CACNG2: variants seen among roughly 807,000 people sequenced by gnomAD.
The protein encoded by CACNG2 is calcium voltage-gated channel auxiliary subunit gamma 2.
CACNG2 carries 3 observed loss-of-function variants against 25.9 expected under a neutral mutation model. That is an observed-to-expected ratio of 0.12 (90% CI 0.05 to 0.30). The LOEUF (loss-of-function observed/expected upper bound fraction) is 0.30. CACNG2 is among the 10% of genes least tolerant of loss of function. CACNG2 has a pLI of 1.00. For missense variants in CACNG2, 341 were observed against 432.5 expected (o/e 0.79, Z 1.88); for synonymous variants, 167 against 173.3 (o/e 0.96, Z 0.29).
intron 1 of CACNG2, among the ~76,000 whole-genome samples, chr22:36,637,448 C>A (rs1938926257): frequency 5.3e-5 from 8 of 152,070 alleles, no homozygotes; most frequent in Admixed American, 5.2e-4. Context: ...TATGGGGATT[C>A]ATTTTCTTTA....
At position 36,629,547 on chromosome 22, in the gene CACNG2, A is replaced by T. The variant is rs976186602; in HGVS notation, c.212-41999T>A. On this transcript the variant is annotated intron_variant, in intron 1 of 3. Coordinates refer to ENST00000300105, the MANE Select transcript of CACNG2 (RefSeq NM_006078.5). ...GTTCGTGTGTATGTGTGTGTGTGAG[A>T]GAGAGAGAGAGAGCAGAGGGAGAGA... Among the ~76,000 whole-genome samples the T allele has an allele frequency of 9.2e-5, 14 of 151,504 alleles. 1 individual carries two copies. Among genetic ancestry groups the T allele is most frequent in the South Asian group, 2.1e-4 (1 of 4,796 alleles).
At chr22:36,656,734 G>A (rs1296536733) in intron 1 of CACNG2, among the ~76,000 whole-genome samples, 1 of 150,732 alleles carries the variant, frequency 6.6e-6, no homozygotes, top group Non-Finnish European at 1.5e-5. Flanking sequence ...GCACGTTCCT[G>A]TTACTTTCGC....
chr22:36,570,665 A>G (rs1252166021), intron 2 of CACNG2, among the ~76,000 whole-genome samples: 4 of 147,534 alleles, frequency 2.7e-5, no homozygotes, highest in Admixed American at 1.4e-4. Context: ...GGGGGTGCTG[A>G]GGCAGGAAGA....
chr22:36,643,041 C>T (rs1004036881), intron 1 of CACNG2, among the ~76,000 whole-genome samples: 3 of 137,940 alleles, frequency 2.2e-5, no homozygotes, highest in African/African-American at 5.2e-5. Flanking sequence ...CCCTCCCTTT[C>T]TTCCTTCCTT....
intron 1 of CACNG2, among the ~76,000 whole-genome samples, chr22:36,620,480 G>A (rs977254267): frequency 2.6e-5 from 4 of 152,312 alleles, no homozygotes; most frequent in East Asian, 1.9e-4. Flanking sequence ...CAATCACCAC[G>A]TAGAAAATCT....
At chr22:36,589,188 C>T (rs1224627595) in intron 1 of CACNG2, among the ~76,000 whole-genome samples, 1 of 152,008 alleles carries the variant, frequency 6.6e-6, no homozygotes, top group East Asian at 1.9e-4. Flanking sequence ...TGGGGTTTCA[C>T]CATGTTGGCC....
At chr22:36,634,967 A>G (rs1482520433) in intron 1 of CACNG2, among the ~76,000 whole-genome samples, 1 of 152,222 alleles carries the variant, frequency 6.6e-6, no homozygotes, top group Non-Finnish European at 1.5e-5. Context: ...GGAAGAAAGA[A>G]GTTACACAGG....
At chr22:36,669,807 G>C (rs2145991751) in intron 1 of CACNG2, among the ~76,000 whole-genome samples, 1 of 152,128 alleles carries the variant, frequency 6.6e-6, no homozygotes, top group East Asian at 1.9e-4. Flanking sequence ...CCGCCTCCCG[G>C]GTTCAAGCAA....
intron 1 of CACNG2, among the ~76,000 whole-genome samples, chr22:36,611,141 G>A (rs1043706550): frequency 2.0e-5 from 3 of 152,186 alleles, no homozygotes; most frequent in African/African-American, 7.2e-5. Context: ...CTACTTAAGG[G>A]TGTTGTGTGT....
intron 1 of CACNG2, among the ~76,000 whole-genome samples, chr22:36,698,473 C>CA (rs1937369324): frequency 6.6e-6 from 1 of 151,558 alleles, no homozygotes; most frequent in Non-Finnish European, 1.5e-5. Context: ...AAGATGAATC[C>CA]TTTTTTTTTC....
At chr22:36,581,833 T>C (rs1421906738) in intron 2 of CACNG2, among the ~76,000 whole-genome samples, 1 of 152,196 alleles carries the variant, frequency 6.6e-6, no homozygotes, top group Non-Finnish European at 1.5e-5. Context: ...CTGTGAACCC[T>C]GGCCTCAGGT....
At chr22:36,668,863 A>G (rs1337652695) in intron 1 of CACNG2, among the ~76,000 whole-genome samples, 1 of 152,152 alleles carries the variant, frequency 6.6e-6, no homozygotes, top group East Asian at 1.9e-4. Flanking sequence ...GTCAGAGGGC[A>G]GGAGAAGATG....
At chr22:36,652,847 C>T (rs964639312) in intron 1 of CACNG2, among the ~76,000 whole-genome samples, 2 of 152,136 alleles carry the variant, frequency 1.3e-5, no homozygotes, top group Admixed American at 6.5e-5. Flanking sequence ...TTACTTTTCA[C>T]ACCCCATCCC....
intron 1 of CACNG2, among the ~76,000 whole-genome samples, chr22:36,634,452 G>C (rs1290074288): frequency 3.3e-5 from 5 of 152,232 alleles, no homozygotes; most frequent in Non-Finnish European, 4.4e-5. Context: ...ACTTGGAGGA[G>C]AGCTGCCTGT....
chr22:36,650,475 A>T (rs924019546), intron 1 of CACNG2, among the ~76,000 whole-genome samples: 1 of 152,000 alleles, frequency 6.6e-6, no homozygotes, highest in Non-Finnish European at 1.5e-5. Context: ...AGGCTCAAGA[A>T]ATCCTCCTGC....
chr22:36,635,823 C>T (rs558876319), intron 1 of CACNG2, among the ~76,000 whole-genome samples: 1 of 152,312 alleles, frequency 6.6e-6, no homozygotes, highest in South Asian at 2.1e-4. Context: ...CTCACCACGT[C>T]CAGTTGTGAG....
intron 1 of CACNG2, among the ~76,000 whole-genome samples, chr22:36,589,648 T>C (rs932186698): frequency 2.0e-5 from 3 of 152,160 alleles, no homozygotes; most frequent in Admixed American, 6.5e-5. Context: ...CACTGAAGCT[T>C]GGTAGGGCCA....
intron 2 of CACNG2, among the ~76,000 whole-genome samples, chr22:36,576,195 C>CAATAAAAA (rs1288518037): frequency 1.3e-4 from 20 of 152,168 alleles, no homozygotes; most frequent in African/African-American, 4.8e-4. Flanking sequence ...TACTACTCAG[C>CAATAAAAA]AATAAAAAGG....
intron 1 of CACNG2, among the ~76,000 whole-genome samples, chr22:36,661,966 CTTTT>C (rs71193254): frequency 3.2e-3 from 141 of 44,488 alleles, no homozygotes; most frequent in African/African-American, 5.9e-3. Flanking sequence ...CATTGCTATT[CTTTT>C]TTTTTTTTTT....
Sources: allele counts gnomAD v4.1 joint callset (sites outside exome capture counted in the v4.1 genomes callset), GRCh38; gene constraint gnomAD v4.1.1; transcripts MANE v1.5; gene names NCBI Gene and HGNC (gene_info 2026-07-23, HGNC 2026-07-21).